Variants in CSMD1 observed in about 807,000 individuals in gnomAD.
CSMD1 encodes the protein CUB and sushi domain-containing protein 1.
CSMD1 carries 213 observed loss-of-function variants against 417.5 expected under a neutral mutation model. The ratio of observed to expected loss-of-function variants is 0.51; its 90% CI spans 0.46 to 0.57. The LOEUF is 0.57. CSMD1 is among the 20% of genes least tolerant of loss of function. The probability of loss-of-function intolerance (pLI) is 0.00; values close to 1 mark genes in which losing one functional copy is unlikely to be tolerated. For missense variants in CSMD1, 6,923 were observed against 4,529.7 expected, an observed-to-expected ratio of 1.53 and a Z score of -15.17; for synonymous variants, 2,862 against 1,736.8, an observed-to-expected ratio of 1.65 and a Z score of -16.11.
chr8:4,314,992 G>T (rs10102924), intron 3 of CSMD1, among the ~76,000 whole-genome samples: 2 of 152,116 alleles, frequency 1.3e-5, no homozygotes, highest in African/African-American at 4.8e-5. Flanking sequence ...ATGGCTAATA[G>T]TACTGACAGC....
At position 4,840,987 on chromosome 8, in the gene CSMD1, T is replaced by C. The variant is rs1585195184; in HGVS notation, c.85+153345A>G. Among the ~76,000 whole-genome samples, 3 of 152,202 alleles carry C rather than the reference T, an allele frequency of 2.0e-5. No homozygotes were observed. The East Asian group carries it at 5.8e-4, about 29-fold the overall frequency. ...CACTGGGCTAGTCCGATAAGGAGCA[T>C]GTCCTCTTAACTGAGCGTTTGCCGT... On this transcript the variant is annotated intron_variant, in intron 1 of 69. Coordinates refer to ENST00000635120, the MANE Select transcript of CSMD1 (RefSeq NM_033225.6).
chr8:3,081,853 T>C (rs909567922), intron 49 of CSMD1, among the ~76,000 whole-genome samples: 1 of 152,218 alleles, frequency 6.6e-6, no homozygotes, highest in African/African-American at 2.4e-5. Flanking sequence ...TCATTACTGG[T>C]AATTTTTAAA....
At chr8:3,262,230 T>TACAC (rs1554490216) in intron 26 of CSMD1, among the ~76,000 whole-genome samples, 8,473 of 94,476 alleles carry the variant, frequency 0.09, 712 homozygotes, top group Middle Eastern at 0.12. Context: ...TATATATATA[T>TACAC]ACACACACAT....
At chr8:4,382,415 T>C (rs1181921472) in intron 3 of CSMD1, among the ~76,000 whole-genome samples, 1 of 152,162 alleles carries the variant, frequency 6.6e-6, no homozygotes, top group Non-Finnish European at 1.5e-5. Context: ...ATGAAGCAAA[T>C]TAGCTGTCCT....
chr8:3,226,860 T>A (rs73660618), intron 27 of CSMD1, among the ~76,000 whole-genome samples: 15,103 of 151,702 alleles, frequency 0.1, 992 homozygotes, highest in East Asian at 0.19. Flanking sequence ...GTAAATATAC[T>A]CTAATAATAA....
intron 5 of CSMD1, among the ~76,000 whole-genome samples, chr8:3,913,638 C>A (rs1808606224): frequency 6.6e-6 from 1 of 152,114 alleles, no homozygotes; most frequent in South Asian, 2.1e-4. Context: ...GTGGAGTCAT[C>A]CAGCATTGAG....
chr8:4,050,416 T>C (rs1053396020), intron 3 of CSMD1, among the ~76,000 whole-genome samples: 3 of 152,150 alleles, frequency 2.0e-5, no homozygotes, highest in African/African-American at 7.2e-5. Context: ...TTTTATTTAA[T>C]TTTTGTTTTT....
intron 47 of CSMD1, among the ~76,000 whole-genome samples, chr8:3,092,174 T>C (rs942194287): frequency 1.3e-5 from 2 of 152,110 alleles, no homozygotes; most frequent in Non-Finnish European, 2.9e-5. Flanking sequence ...ATGGCAAATT[T>C]TAGATCAAAC....
chr8:3,706,668 T>C (rs148003191), intron 7 of CSMD1, among the ~76,000 whole-genome samples: 5 of 152,330 alleles, frequency 3.3e-5, no homozygotes, highest in African/African-American at 1.2e-4. Flanking sequence ...AATGATCGGA[T>C]ATCCAACCTG....
intron 2 of CSMD1, among the ~76,000 whole-genome samples, chr8:4,441,147 A>G (rs574753885): frequency 1.0e-5 from 1 of 96,126 alleles, no homozygotes; most frequent in Non-Finnish European, 2.0e-5. Flanking sequence ...CACCTAAGCT[A>G]GAGTGCAGTG....
chr8:3,355,702 C>T (rs1808734639), intron 21 of CSMD1, among the ~76,000 whole-genome samples: 1 of 152,132 alleles, frequency 6.6e-6, no homozygotes, highest in South Asian at 2.1e-4. Flanking sequence ...ACCTCAGGTT[C>T]TTGTTGATGA....
chr8:4,648,794 C>A (rs1229425180), intron 1 of CSMD1, among the ~76,000 whole-genome samples: 1 of 152,202 alleles, frequency 6.6e-6, no homozygotes, highest in African/African-American at 2.4e-5. Context: ...CAGATGCCGG[C>A]TGATGCCACC....
In CSMD1 at chr8:4,004,880, G is replaced by T. The variant is rs575384057; in HGVS notation, c.611-6770C>A. Among the ~76,000 whole-genome samples the T allele has an allele frequency of 2.2e-4, 33 of 152,182 alleles. No individual in the cohort carries two copies. In the East Asian group the frequency reaches 6.4e-3, roughly 29 times the overall value. On this transcript the variant is annotated intron_variant, in intron 4 of 69. Coordinates refer to ENST00000635120, the MANE Select transcript of CSMD1 (RefSeq NM_033225.6). ...CTGCCTCAGCCTCCCGAGTAGCTGG[G>T]ACTACAGGCGCCCGCCACCATGCCC...
chr8:4,916,776 C>G (rs1390915445), intron 1 of CSMD1, among the ~76,000 whole-genome samples: 2 of 152,178 alleles, frequency 1.3e-5, no homozygotes, highest in Admixed American at 6.5e-5. Flanking sequence ...AAAGTGACAG[C>G]TAGATGCTAA....
intron 2 of CSMD1, among the ~76,000 whole-genome samples, chr8:4,470,907 T>G (rs907498092): frequency 2.0e-5 from 3 of 152,250 alleles, no homozygotes; most frequent in Non-Finnish European, 4.4e-5. Context: ...TAAATGATTG[T>G]TTAGTATGAA....
At chr8:4,486,202 TAC>T (rs1281350714) in intron 2 of CSMD1, among the ~76,000 whole-genome samples, 10 of 8,634 alleles carry the variant, frequency 1.2e-3, no homozygotes, top group African/African-American at 2.1e-3. Context: ...TATATATACA[TAC>T]ATATATATAT....
intron 41 of CSMD1, among the ~76,000 whole-genome samples, chr8:3,120,372 G>T (rs115904243): frequency 0.023 from 3,514 of 152,292 alleles, 145 homozygotes; most frequent in African/African-American, 0.08. Flanking sequence ...ACCAGGCAAC[G>T]CAATATGTGG....
intron 5 of CSMD1, among the ~76,000 whole-genome samples, chr8:3,926,965 C>T (rs774225582): frequency 4.0e-5 from 6 of 151,858 alleles, no homozygotes; most frequent in Admixed American, 3.3e-4. Context: ...CCACCCACCT[C>T]GGCCTCCCAA....
chr8:3,881,356 C>A lies in CSMD1; in HGVS notation c.818+116547G>T, dbSNP rs1479906601. On this transcript the variant is annotated intron_variant, in intron 5 of 69. Transcript: ENST00000635120. ...TAGATATATAAAAAGCAAGTTGGGG[C>A]CGGGTGCGGTGGCTTATGCCTATAA... is the stretch of plus-strand genomic sequence containing the variant. Among the ~76,000 whole-genome samples the A allele has an allele frequency of 2.0e-5, 3 of 150,872 alleles. No homozygotes were observed. In the South Asian group the frequency reaches 6.2e-4, roughly 31 times the overall value.
Sources: gnomAD v4.1 joint callset for allele counts (sites outside exome capture counted in the v4.1 genomes callset) on GRCh38, gnomAD v4.1.1 for gene constraint, MANE v1.5 for transcripts, NCBI Gene and HGNC (gene_info 2026-07-23, HGNC 2026-07-21) for gene names.